TMEM132D: variants seen among roughly 807,000 people sequenced by gnomAD.
TMEM132D encodes transmembrane protein 132D, also known as mature OL transmembrane protein.
A neutral mutation model predicts 62.3 loss-of-function variants in TMEM132D; 21 were observed. The ratio of observed to expected loss-of-function variants is 0.34; its 90% CI spans 0.24 to 0.49. The LOEUF (loss-of-function observed/expected upper bound fraction) is 0.49. Ranked by LOEUF, TMEM132D falls within the 20% of genes least tolerant of loss-of-function variation. TMEM132D has a pLI of 0.99. For missense variants in TMEM132D, 1,346 were observed against 1,402.8 expected (o/e 0.96, Z 0.65); for synonymous variants, 621 against 575.6 (o/e 1.08, Z -1.13).
chr12:129,142,532 CTAATTA>C (rs1181895839), intron 5 of TMEM132D, among the ~76,000 whole-genome samples: 3 of 152,092 alleles, frequency 2.0e-5, no homozygotes, highest in East Asian at 1.9e-4. Flanking sequence ...ACTTGTGATT[CTAATTA>C]TATGTTTAGA....
intron 2 of TMEM132D, among the ~76,000 whole-genome samples, chr12:129,668,903 T>C (rs1192269734): frequency 6.6e-6 from 1 of 152,222 alleles, no homozygotes; most frequent in East Asian, 1.9e-4. Flanking sequence ...TCTGGCCTCA[T>C]ACCTTGTCCA....
intron 5 of TMEM132D, among the ~76,000 whole-genome samples, chr12:129,094,607 T>C (rs1031749060): frequency 6.6e-6 from 1 of 152,206 alleles, no homozygotes; most frequent in Non-Finnish European, 1.5e-5. Flanking sequence ...GTTCAACCAT[T>C]GTGGAAGTCA....
intron 3 of TMEM132D, among the ~76,000 whole-genome samples, chr12:129,379,461 G>A (rs761775135): frequency 1.3e-5 from 2 of 152,166 alleles, no homozygotes; most frequent in Non-Finnish European, 2.9e-5. Context: ...AGAATTAAGC[G>A]TAAAACCTAC....
intron 1 of TMEM132D, among the ~76,000 whole-genome samples, chr12:129,772,656 T>C (rs1358890841): frequency 6.6e-6 from 1 of 152,192 alleles, no homozygotes; most frequent in African/African-American, 2.4e-5. Flanking sequence ...TACTCTTTCA[T>C]TTCCCCTGAT....
chr12:129,161,379 C>T (rs1435762052), intron 5 of TMEM132D, among the ~76,000 whole-genome samples: 1 of 152,192 alleles, frequency 6.6e-6, no homozygotes, highest in East Asian at 1.9e-4. Context: ...ATATCAAAAT[C>T]CAGGACTTTC....
chr12:129,081,640 C>G, intron 7 of TMEM132D, 119 bp downstream of exon 7: 1 of 1,384,480 alleles, frequency 7.2e-7, no homozygotes, highest in Non-Finnish European at 9.6e-7. Context: ...TTTGAATTTA[C>G]CCATCCTAAA....
chr12:129,251,392 A>G (rs1880263024), intron 4 of TMEM132D, among the ~76,000 whole-genome samples: 2 of 150,420 alleles, frequency 1.3e-5, no homozygotes, highest in African/African-American at 4.9e-5. Context: ...AAGAAGAGAG[A>G]AAAGGGAAGC....
chr12:129,883,130 T>G (rs1484695151), intron 1 of TMEM132D, among the ~76,000 whole-genome samples: 1 of 152,164 alleles, frequency 6.6e-6, no homozygotes, highest in Non-Finnish European at 1.5e-5. Flanking sequence ...GACATGGTCA[T>G]GCATGCAAAA....
At chr12:129,543,056 T>C (rs1876625576) in intron 2 of TMEM132D, among the ~76,000 whole-genome samples, 1 of 151,172 alleles carries the variant, frequency 6.6e-6, no homozygotes, top group African/African-American at 2.4e-5. Flanking sequence ...AGTGTACTCC[T>C]GTCATTAAGC....
intron 2 of TMEM132D, among the ~76,000 whole-genome samples, chr12:129,655,040 C>G (rs780194542): frequency 4.6e-5 from 7 of 151,916 alleles, no homozygotes; most frequent in Admixed American, 3.9e-4. Context: ...CTCTGCCTCC[C>G]GGGTTCAAGT....
At position 129,081,838 on chromosome 12, in the gene TMEM132D, T is replaced by C. The variant is rs775239937; in HGVS notation, c.1844A>G (p.Gln615Arg). ...DITELINDFM[Q>R]VEEPRIAKLQ... is the part of the protein sequence containing the mutation. ...CTTGGCGATCCTGGGCTCCTCCACC[T>C]GCATGAAGTCATTTATCAGCTCCGT... The change falls in exon 7 of 9, where the codon CAG becomes CGG. Residue 615 changes from glutamine (Q) to arginine (R), a missense_variant. Coordinates refer to ENST00000422113, the MANE Select transcript of TMEM132D (RefSeq NM_133448.3). 12 of 1,613,748 alleles carry C rather than the reference T, an allele frequency of 7.4e-6. No individual in the cohort carries two copies. Among genetic ancestry groups the C allele is most frequent in the Non-Finnish European group, 8.5e-6 (10 of 1,180,010 alleles).
chr12:129,182,730 G>T (rs1177917617), intron 5 of TMEM132D, among the ~76,000 whole-genome samples: 1 of 152,240 alleles, frequency 6.6e-6, no homozygotes, highest in East Asian at 1.9e-4. Flanking sequence ...CCAAATGTCT[G>T]GGCACTGTGG....
intron 2 of TMEM132D, among the ~76,000 whole-genome samples, chr12:129,641,845 G>A (rs1463988115): frequency 1.3e-5 from 2 of 152,146 alleles, no homozygotes; most frequent in African/African-American, 4.8e-5. Context: ...GACAAGTCCT[G>A]CAGCAGCGCA....
chr12:129,369,832 G>C (rs1217641421), intron 3 of TMEM132D, among the ~76,000 whole-genome samples: 1 of 152,244 alleles, frequency 6.6e-6, no homozygotes, highest in African/African-American at 2.4e-5. Flanking sequence ...TTAAAGCCAG[G>C]TGAGATCAAG....
At chr12:129,512,914 C>T (rs893890114) in intron 3 of TMEM132D, among the ~76,000 whole-genome samples, 17 of 152,196 alleles carry the variant, frequency 1.1e-4, no homozygotes, top group Admixed American at 7.9e-4. Context: ...AAGCAAGTTA[C>T]TACATCTAAC....
chr12:129,271,912 T>C (rs1167441017), intron 4 of TMEM132D, among the ~76,000 whole-genome samples: 1 of 151,924 alleles, frequency 6.6e-6, no homozygotes, highest in Non-Finnish European at 1.5e-5. Flanking sequence ...TTATAATCCT[T>C]TGGGTATATA....
At chr12:129,576,609 C>T (rs1056976024) in intron 2 of TMEM132D, among the ~76,000 whole-genome samples, 4 of 151,116 alleles carry the variant, frequency 2.6e-5, no homozygotes, top group African/African-American at 9.8e-5. Flanking sequence ...ATTATACACA[C>T]ACACACACAC....
intron 1 of TMEM132D, among the ~76,000 whole-genome samples, chr12:129,737,615 T>C (rs1363936671): frequency 2.0e-5 from 3 of 152,152 alleles, no homozygotes; most frequent in Non-Finnish European, 4.4e-5. Flanking sequence ...ACTCAGCTGA[T>C]GTTGTCCTTT....
intron 5 of TMEM132D, among the ~76,000 whole-genome samples, chr12:129,169,886 T>G (rs1877672415): frequency 6.6e-6 from 1 of 152,254 alleles, no homozygotes; most frequent in Admixed American, 6.5e-5. Flanking sequence ...TTAAGCTTCT[T>G]CTAAGCAAAA....
Sources: gnomAD v4.1 joint callset for allele counts (sites outside exome capture counted in the v4.1 genomes callset) on GRCh38, gnomAD v4.1.1 for gene constraint, MANE v1.5 for transcripts, NCBI Gene and HGNC (gene_info 2026-07-23, HGNC 2026-07-21) for gene names.